LYN: variants seen among roughly 807,000 people sequenced by gnomAD.
LYN encodes LYN proto-oncogene, Src family tyrosine kinase.
Under a neutral mutation model 65.0 loss-of-function variants are expected in LYN, and 12 were observed. The ratio of observed to expected loss-of-function variants is 0.18; its 90% confidence interval spans 0.12 to 0.30. The LOEUF (loss-of-function observed/expected upper bound fraction) is 0.30, where lower values mean the gene tolerates loss of function less well. Among genes scored for constraint, LYN ranks in the 10% least tolerant of loss-of-function variants. LYN has a pLI of 1.00. For missense variants in LYN, 380 were observed against 623.2 expected, an observed-to-expected ratio of 0.61 and a Z score of 4.16; for synonymous variants, 222 against 221.2, an observed-to-expected ratio of 1.00 and a Z score of -0.03.
At chr8:55,955,498 A>G (rs1807081263) in intron 8 of LYN, among the ~76,000 whole-genome samples, 1 of 151,760 alleles carries the variant, frequency 6.6e-6, no homozygotes, top group Admixed American at 6.6e-5. Flanking sequence ...CTTCCTCCTC[A>G]TTTCTCTGTG....
chr8:55,915,276 C>T (rs888854110), intron 1 of LYN, among the ~76,000 whole-genome samples: 5 of 152,174 alleles, frequency 3.3e-5, no homozygotes, highest in Non-Finnish European at 5.9e-5. Flanking sequence ...ACCGCAATTC[C>T]AGATACCATT....
chr8:55,936,151 T>C (rs747657747), intron 1 of LYN, among the ~76,000 whole-genome samples: 1 of 152,216 alleles, frequency 6.6e-6, no homozygotes, highest in Non-Finnish European at 1.5e-5. Flanking sequence ...CGAATTCCTA[T>C]AAATGATGCT....
At chr8:55,936,328 C>A (rs1806436314) in intron 1 of LYN, among the ~76,000 whole-genome samples, 1 of 152,132 alleles carries the variant, frequency 6.6e-6, no homozygotes, top group Admixed American at 6.6e-5. Flanking sequence ...GGCAGCAAGA[C>A]CTTGCATCAG....
intron 1 of LYN, among the ~76,000 whole-genome samples, chr8:55,934,099 G>A (rs550559544): frequency 3.3e-5 from 5 of 152,178 alleles, no homozygotes; most frequent in South Asian, 2.1e-4. Flanking sequence ...GGTGGCGAGC[G>A]CCTGTAGTCC....
chr8:55,971,517 G>A (rs1010550761), intron 10 of LYN, among the ~76,000 whole-genome samples: 3 of 152,226 alleles, frequency 2.0e-5, no homozygotes, highest in Non-Finnish European at 4.4e-5. Flanking sequence ...CTTGTACAGG[G>A]CTATGGAACA....
intron 1 of LYN, among the ~76,000 whole-genome samples, chr8:55,880,472 G>A (rs1359692244): frequency 6.6e-6 from 1 of 152,170 alleles, no homozygotes; most frequent in Non-Finnish European, 1.5e-5. Context: ...GCCGCTTCTC[G>A]CACACAGTGG....
intron 1 of LYN, among the ~76,000 whole-genome samples, chr8:55,934,094 C>T (rs1474371024): frequency 6.6e-6 from 1 of 152,046 alleles, no homozygotes. Flanking sequence ...GGCATGGTGG[C>T]GAGCGCCTGT....
At chr8:55,959,834 T>C (rs1339425200) in intron 8 of LYN, among the ~76,000 whole-genome samples, 1 of 151,968 alleles carries the variant, frequency 6.6e-6, no homozygotes, top group African/African-American at 2.4e-5. Context: ...AAAAATGACC[T>C]GGCATACTTC....
chr8:55,991,172 A>C (rs1808237679), intron 10 of LYN, among the ~76,000 whole-genome samples: 1 of 152,178 alleles, frequency 6.6e-6, no homozygotes, highest in African/African-American at 2.4e-5. Context: ...GGTTGCCTCC[A>C]CCTGGAGGAA....
intron 9 of LYN, among the ~76,000 whole-genome samples, chr8:55,967,710 T>C (rs972742512): frequency 6.6e-6 from 1 of 152,230 alleles, no homozygotes; most frequent in Non-Finnish European, 1.5e-5. Flanking sequence ...TTAAAACTTG[T>C]GGAGGTTAAA....
At chr8:55,944,637 T>C (rs138702341) in intron 2 of LYN, among the ~76,000 whole-genome samples, 1 of 152,156 alleles carries the variant, frequency 6.6e-6, no homozygotes, top group Admixed American at 6.5e-5. Flanking sequence ...TGCACCACCA[T>C]GCCTGGCTAA....
intron 1 of LYN, among the ~76,000 whole-genome samples, chr8:55,937,539 T>C (rs1563518821): frequency 6.6e-6 from 1 of 152,222 alleles, no homozygotes; most frequent in African/African-American, 2.4e-5. Context: ...GGGAACATCC[T>C]TATGCCCCTG....
In LYN at chr8:55,995,792, C is replaced by T. The variant is rs143154559; in HGVS notation, c.1051-2554C>T. Among the ~76,000 whole-genome samples the T allele has an allele frequency of 3.2e-3, 482 of 152,242 alleles. 2 individuals carry two copies. The highest frequency in any genetic ancestry group is 0.011 in the African/African-American group (465 of 41,544). On this transcript the variant is annotated intron_variant, in intron 10 of 12. Coordinates refer to ENST00000519728, the MANE Select transcript of LYN (RefSeq NM_002350.4). ...AGGGCTGAGCCGGGGCCGGGTCATA[C>T]GGGGCCTTGGCAGCAGTGCAAAGGA...
At chr8:55,965,256 G>A (rs1423403511) in intron 8 of LYN, among the ~76,000 whole-genome samples, 1 of 152,162 alleles carries the variant, frequency 6.6e-6, no homozygotes, top group Non-Finnish European at 1.5e-5. Flanking sequence ...CGGTGTAAGA[G>A]GCTACTTGAA....
At chr8:55,925,345 G>A (rs903958615) in intron 1 of LYN, among the ~76,000 whole-genome samples, 53 of 152,050 alleles carry the variant, frequency 3.5e-4, no homozygotes, top group Non-Finnish European at 6.2e-4. Context: ...GGCTGGTCTC[G>A]TACTCCTGGC....
At chr8:56,002,065 G>A (rs973688531) in intron 12 of LYN, among the ~76,000 whole-genome samples, 1 of 152,202 alleles carries the variant, frequency 6.6e-6, no homozygotes, top group Non-Finnish European at 1.5e-5. Flanking sequence ...TGGATCACCT[G>A]AGGTCAGGAG....
intron 1 of LYN, among the ~76,000 whole-genome samples, chr8:55,936,317 A>G (rs1183886999): frequency 1.3e-5 from 2 of 152,180 alleles, no homozygotes; most frequent in Admixed American, 1.3e-4. Context: ...CTCCACAGAA[A>G]GGCAGCAAGA....
At chr8:55,946,957 A>G (rs1320732548) in intron 3 of LYN, among the ~76,000 whole-genome samples, 1 of 152,206 alleles carries the variant, frequency 6.6e-6, no homozygotes, top group Non-Finnish European at 1.5e-5. Context: ...CCTTGTAAGT[A>G]TATGCCCTGG....
Position 55,946,434 on chromosome 8 carries a change from A to T in LYN, c.133-14A>T, listed in dbSNP as rs1461344673. ...TAAACAGAATTTTTTTTTCTAACAA[A>T]TATTCTCTCGTAGGTTCCAGAATCT... On this transcript the variant is annotated splice_polypyrimidine_tract_variant and intron_variant, in intron 2 of 12. Coordinates refer to ENST00000519728, the MANE Select transcript of LYN (RefSeq NM_002350.4). The T allele has an allele frequency of 7.5e-6, 12 of 1,591,794 alleles. No homozygotes were observed. The highest frequency in any genetic ancestry group is 9.5e-6 in the Non-Finnish European group (11 of 1,161,534).
Sources: gnomAD v4.1 joint callset for allele counts (sites outside exome capture counted in the v4.1 genomes callset) on GRCh38, gnomAD v4.1.1 for gene constraint, MANE v1.5 for transcripts, NCBI Gene and HGNC (gene_info 2026-07-23, HGNC 2026-07-21) for gene names.